The following SORCS3 variants were observed in gnomAD, a reference collection of about 807,000 sequenced individuals.
SORCS3 encodes the protein sortilin related VPS10 domain containing receptor 3.
In SORCS3, 57 loss-of-function variants were observed where a neutral mutation model predicts 146.3. That is an observed-to-expected ratio of 0.39 (90% CI 0.31 to 0.49). SORCS3 has a LOEUF of 0.49. SORCS3 is among the 20% of genes least tolerant of loss of function. SORCS3 has a pLI of 0.92. For missense variants in SORCS3, 1,341 were observed against 1,575.5 expected (o/e 0.85, Z 2.52); for synonymous variants, 653 against 618.5 (o/e 1.06, Z -0.83).
intron 1 of SORCS3, among the ~76,000 whole-genome samples, chr10:104,796,972 T>A (rs1163061803): frequency 2.0e-5 from 3 of 152,262 alleles, no homozygotes. Flanking sequence ...GGCCCTTGCC[T>A]GTCAGTCTCT....
At chr10:105,013,155 C>T (rs2055144829) in intron 4 of SORCS3, among the ~76,000 whole-genome samples, 1 of 152,018 alleles carries the variant, frequency 6.6e-6, no homozygotes, top group African/African-American at 2.4e-5. Context: ...TAAAATGGAA[C>T]ACTCATTAAT....
At chr10:105,134,075 A>G (rs1209815597) in intron 7 of SORCS3, among the ~76,000 whole-genome samples, 1 of 152,222 alleles carries the variant, frequency 6.6e-6, no homozygotes, top group African/African-American at 2.4e-5. Flanking sequence ...TTTTTCACAA[A>G]AGATGTTGGA....
At chr10:105,016,727 G>A (rs748805196) in intron 4 of SORCS3, among the ~76,000 whole-genome samples, 1 of 152,106 alleles carries the variant, frequency 6.6e-6, no homozygotes, top group Non-Finnish European at 1.5e-5. Context: ...GGACCCTACC[G>A]CCAATGTAGA....
At chr10:105,125,187 A>G (rs1340646269) in intron 7 of SORCS3, among the ~76,000 whole-genome samples, 2 of 152,144 alleles carry the variant, frequency 1.3e-5, no homozygotes, top group Admixed American at 6.5e-5. Context: ...CATTCTCACT[A>G]TAGTTATTTT....
At chr10:105,045,843 A>G (rs373391249) in intron 5 of SORCS3, among the ~76,000 whole-genome samples, 67 of 152,272 alleles carry the variant, frequency 4.4e-4, no homozygotes, top group African/African-American at 1.6e-3. Flanking sequence ...TATGTTTATT[A>G]CTAGTACTCA....
intron 5 of SORCS3, among the ~76,000 whole-genome samples, chr10:105,087,575 C>T (rs1411084722): frequency 6.6e-6 from 1 of 151,850 alleles, no homozygotes; most frequent in African/African-American, 2.4e-5. Context: ...CAGTCCTCTG[C>T]GTGTCTGGCC....
intron 1 of SORCS3, among the ~76,000 whole-genome samples, chr10:104,805,387 A>G (rs2017669510): frequency 6.6e-6 from 1 of 152,220 alleles, no homozygotes; most frequent in African/African-American, 2.4e-5. Context: ...CAGGCTCAGA[A>G]ATGGAAAAAT....
chr10:105,084,633 G>A (rs1181094450), intron 5 of SORCS3, among the ~76,000 whole-genome samples: 1 of 152,144 alleles, frequency 6.6e-6, no homozygotes, highest in Non-Finnish European at 1.5e-5. Context: ...AGGTGAGGAA[G>A]TGCAGTTCTT....
At chr10:104,985,344 G>T (rs983396677) in intron 4 of SORCS3, among the ~76,000 whole-genome samples, 37 of 152,112 alleles carry the variant, frequency 2.4e-4, no homozygotes, top group African/African-American at 8.7e-4. Flanking sequence ...GTTTTATCAT[G>T]ATATTGCAGC....
At position 105,178,173 on chromosome 10, in the gene SORCS3, C is replaced by G; in HGVS notation, c.2009C>G (p.Thr670Arg). Residue 670 changes from threonine to arginine, a missense_variant and splice_region_variant, in exon 14 of 27, where the codon ACA becomes AGA. Thr to Arg is a moderately conservative substitution (Grantham distance 71, BLOSUM62 -1). Transcript: ENST00000369701. ...VEAGMETHIM[T>R]VFGHFSLRSE... ...GCAGGAATGGAGACCCACATCATGA[C>G]GTGAGTACTTCTTTTGCTGTGACAG... The G allele has an allele frequency of 6.2e-7, 1 of 1,604,848 alleles. No individual in the cohort carries two copies.
intron 4 of SORCS3, among the ~76,000 whole-genome samples, chr10:105,033,199 A>G (rs1360779412): frequency 3.9e-5 from 6 of 152,254 alleles, no homozygotes; most frequent in African/African-American, 1.4e-4. Flanking sequence ...AATTCAAGGT[A>G]CACTGCCATT....
At chr10:104,998,254 C>G (rs982348405) in intron 4 of SORCS3, among the ~76,000 whole-genome samples, 3 of 152,188 alleles carry the variant, frequency 2.0e-5, no homozygotes, top group African/African-American at 7.2e-5. Flanking sequence ...CCCTGATTCT[C>G]TTTTTCCCAG....
intron 20 of SORCS3, among the ~76,000 whole-genome samples, chr10:105,235,005 G>A (rs1037740924): frequency 1.3e-5 from 2 of 152,084 alleles, no homozygotes; most frequent in African/African-American, 4.8e-5. Flanking sequence ...GCTATGGAAG[G>A]AGGGGAAGCT....
intron 1 of SORCS3, among the ~76,000 whole-genome samples, chr10:104,833,128 T>C (rs1429755613): frequency 6.6e-6 from 1 of 152,222 alleles, no homozygotes; most frequent in Non-Finnish European, 1.5e-5. Context: ...TTTCATTTGC[T>C]GTGAAATGAG....
At chr10:105,241,717 A>G (rs1175450559) in intron 20 of SORCS3, among the ~76,000 whole-genome samples, 1 of 152,050 alleles carries the variant, frequency 6.6e-6, no homozygotes, top group East Asian at 1.9e-4. Context: ...CTCCTCCCTG[A>G]CTTCAAGTCA....
chr10:104,759,962 T>C (rs996582339), intron 1 of SORCS3, among the ~76,000 whole-genome samples: 1 of 152,124 alleles, frequency 6.6e-6, no homozygotes, highest in Non-Finnish European at 1.5e-5. Flanking sequence ...AACAAAGTAA[T>C]GTACCGAGGG....
intron 5 of SORCS3, among the ~76,000 whole-genome samples, chr10:105,078,608 T>C (rs760055101): frequency 2.6e-5 from 4 of 152,222 alleles, no homozygotes; most frequent in Non-Finnish European, 5.9e-5. Context: ...CTTGGTACGT[T>C]AAAGGTGTTC....
In SORCS3 at chr10:105,201,157, A is replaced by G. The variant is rs1201752383; in HGVS notation, c.2165A>G (p.Lys722Arg). 3.1e-6 allele frequency: 5 copies of G among 1,613,090 alleles called. No individual in the cohort carries two copies. Among genetic ancestry groups the G allele is most frequent in the South Asian group, 1.1e-5 (1 of 90,790 alleles). Reference sequence around the variant, plus strand: ...GTCATGGGAGAAAGGAAAATATTCAAGAAACGTAAGCCAGGAGCTCAGTGT... The same window carrying G: ...GTCATGGGAGAAAGGAAAATATTCAGGAAACGTAAGCCAGGAGCTCAGTGT... ...PCVMGERKIFKKRKPGAQCAL... is the reference protein window; with the variant it reads ...PCVMGERKIFRKRKPGAQCAL... Residue 722 changes from lysine (K) to arginine (R), a missense_variant, in exon 16 of 27, where the codon AAG becomes AGG. Coordinates refer to ENST00000369701, the MANE Select transcript of SORCS3 (RefSeq NM_014978.3).
chr10:105,206,395 TATC>T (rs1175361690), intron 16 of SORCS3, among the ~76,000 whole-genome samples: 4 of 152,178 alleles, frequency 2.6e-5, no homozygotes, highest in Non-Finnish European at 5.9e-5. Flanking sequence ...ATATTTCTCT[TATC>T]ATAGAAAGTT....
Sources: gnomAD v4.1 joint callset for allele counts (sites outside exome capture counted in the v4.1 genomes callset) on GRCh38, gnomAD v4.1.1 for gene constraint, MANE v1.5 for transcripts, NCBI Gene and HGNC (gene_info 2026-07-23, HGNC 2026-07-21) for gene names.